Variants in PRKG1 observed in about 807,000 individuals in gnomAD.
PRKG1 encodes the protein protein kinase cGMP-dependent 1.
PRKG1 carries 35 observed loss-of-function variants against 88.1 expected under a neutral mutation model. The ratio of observed to expected loss-of-function variants is 0.40; its 90% CI spans 0.30 to 0.53. The LOEUF (loss-of-function observed/expected upper bound fraction) is 0.53, where lower values mean the gene tolerates loss of function less well. Ranked by LOEUF, PRKG1 falls within the 20% of genes least tolerant of loss-of-function variation. The pLI is 0.59. For synonymous variants in PRKG1, 303 were observed against 292.5 expected (o/e 1.04, Z -0.37); for missense variants, 540 against 839.8 (o/e 0.64, Z 4.41).
chr10:52,007,653 G>A (rs1245922477), intron 5 of PRKG1, among the ~76,000 whole-genome samples: 2 of 152,070 alleles, frequency 1.3e-5, no homozygotes, highest in African/African-American at 4.8e-5. Context: ...ATGAAGAGAT[G>A]TGAATTCCTG....
At chr10:51,675,671 C>T (rs1312222261) in intron 3 of PRKG1, among the ~76,000 whole-genome samples, 3 of 152,238 alleles carry the variant, frequency 2.0e-5, no homozygotes, top group South Asian at 2.1e-4. Flanking sequence ...TCCTCCCCTT[C>T]GAATTGTTTT....
chr10:51,246,148 G>A (rs759642946), intron 2 of PRKG1, among the ~76,000 whole-genome samples: 7 of 152,040 alleles, frequency 4.6e-5, no homozygotes, highest in African/African-American at 7.2e-5. Flanking sequence ...TTGCTGCTCC[G>A]CAAGATGGAC....
chr10:51,278,935 T>G (rs532361242), intron 2 of PRKG1, among the ~76,000 whole-genome samples: 358 of 152,284 alleles, frequency 2.4e-3, no homozygotes, highest in African/African-American at 7.8e-3. Context: ...TTTGAAGGGT[T>G]TTTTGTGTCT....
intron 4 of PRKG1, among the ~76,000 whole-genome samples, chr10:51,810,993 A>AGATGTGATGTCAGC (rs2132623316): frequency 6.6e-6 from 1 of 152,356 alleles, no homozygotes; most frequent in South Asian, 2.1e-4. Flanking sequence ...GAAAAATCTA[A>AGATGTGATGTCAGC]GATGTGATGT....
chr10:51,163,701 G>A (rs1357392932), intron 2 of PRKG1, among the ~76,000 whole-genome samples: 3 of 152,226 alleles, frequency 2.0e-5, no homozygotes, highest in Non-Finnish European at 2.9e-5. Flanking sequence ...CTAATACTGC[G>A]CTTTTCCGAC....
At chr10:52,279,195 C>A (rs1480409064) in intron 12 of PRKG1, among the ~76,000 whole-genome samples, 1 of 152,088 alleles carries the variant, frequency 6.6e-6, no homozygotes, top group Non-Finnish European at 1.5e-5. Context: ...CCCTTTGGAA[C>A]TACATACAAT....
At chr10:51,752,091 G>A (rs978162852) in intron 3 of PRKG1, among the ~76,000 whole-genome samples, 2 of 152,138 alleles carry the variant, frequency 1.3e-5, no homozygotes, top group Non-Finnish European at 2.9e-5. Context: ...TTGGAATGCT[G>A]TTTCCTCAGC....
At chr10:51,276,434 T>C (rs1178048011) in intron 2 of PRKG1, among the ~76,000 whole-genome samples, 1 of 152,228 alleles carries the variant, frequency 6.6e-6, no homozygotes. Context: ...TACATGTGCA[T>C]GTGTCTTTAT....
At chr10:52,030,782 C>G (rs541765915) in intron 5 of PRKG1, among the ~76,000 whole-genome samples, 1 of 151,884 alleles carries the variant, frequency 6.6e-6, no homozygotes, top group African/African-American at 2.4e-5. Context: ...TTAAATGCAC[C>G]CATAAGATGT....
chr10:51,955,934 T>C (rs1843292358), intron 5 of PRKG1, among the ~76,000 whole-genome samples: 1 of 152,128 alleles, frequency 6.6e-6, no homozygotes, highest in Non-Finnish European at 1.5e-5. Context: ...ATGCCAAGCT[T>C]TCTGGGGAAG....
intron 2 of PRKG1, among the ~76,000 whole-genome samples, chr10:51,464,700 G>A (rs1288556529): frequency 6.6e-6 from 1 of 151,424 alleles, no homozygotes; most frequent in Non-Finnish European, 1.5e-5. Flanking sequence ...GACCATCCCG[G>A]CTAAAACGGT....
intron 3 of PRKG1, among the ~76,000 whole-genome samples, chr10:51,600,948 G>A (rs750083639): frequency 2.2e-4 from 33 of 147,990 alleles, no homozygotes; most frequent in Non-Finnish European, 4.6e-4. Flanking sequence ...AAGAGAAGAT[G>A]AAGATGAAGA....
At chr10:51,976,788 A>G (rs1426907451) in intron 5 of PRKG1, among the ~76,000 whole-genome samples, 1 of 151,974 alleles carries the variant, frequency 6.6e-6, no homozygotes, top group African/African-American at 2.4e-5. Flanking sequence ...GAAGAAAACA[A>G]CTCAGTTATT....
chr10:51,368,122 T>A (rs188466736), intron 2 of PRKG1, among the ~76,000 whole-genome samples: 1 of 152,048 alleles, frequency 6.6e-6, no homozygotes, highest in Non-Finnish European at 1.5e-5. Flanking sequence ...CTTATGCAGT[T>A]TTATCTAATA....
chr10:51,721,830 G>A (rs1248719619), intron 3 of PRKG1, among the ~76,000 whole-genome samples: 1 of 152,120 alleles, frequency 6.6e-6, no homozygotes, highest in Non-Finnish European at 1.5e-5. Flanking sequence ...AACCATGTAC[G>A]CTAACATGAT....
At chr10:52,206,968 G>T (rs936319966) in intron 9 of PRKG1, among the ~76,000 whole-genome samples, 1 of 152,216 alleles carries the variant, frequency 6.6e-6, no homozygotes, top group African/African-American at 2.4e-5. Context: ...GGTAAAAGTC[G>T]GTTGGCAGTG....
In PRKG1 at chr10:51,212,145, C is replaced by G. The variant is rs1838239065; in HGVS notation, c.478+58815C>G. ...ATAGACCAATGGAACAGAACAGAGC[C>G]CTCAGAAATAATGCCGCATATCTAC... is the stretch of plus-strand genomic sequence containing the variant. On this transcript the variant is annotated intron_variant, in intron 2 of 17. Transcript: ENST00000373980. Among the ~76,000 whole-genome samples, 6 of 151,944 alleles carry G rather than the reference C, an allele frequency of 3.9e-5. No individual in the cohort carries two copies. The South Asian group carries it at 1.2e-3, about 32-fold the overall frequency.
chr10:51,939,795 A>G (rs58843599), intron 5 of PRKG1, among the ~76,000 whole-genome samples: 29,308 of 150,918 alleles, frequency 0.19, 3,251 homozygotes, highest in East Asian at 0.3. Context: ...ATAACTGTAG[A>G]AGAAAAATCT....
At chr10:52,005,386 G>A (rs1315428379) in intron 5 of PRKG1, among the ~76,000 whole-genome samples, 2 of 151,628 alleles carry the variant, frequency 1.3e-5, no homozygotes, top group Admixed American at 6.6e-5. Context: ...GAACCACCCA[G>A]TGACCAGCCA....
Sources: allele counts gnomAD v4.1 joint callset (sites outside exome capture counted in the v4.1 genomes callset), GRCh38; gene constraint gnomAD v4.1.1; transcripts MANE v1.5; gene names NCBI Gene and HGNC (gene_info 2026-07-23, HGNC 2026-07-21).